Variants in MAP9 observed in about 807,000 individuals in gnomAD.
MAP9 encodes microtubule associated protein 9.
Under a neutral mutation model 75.2 loss-of-function variants are expected in MAP9, and 80 were observed. That is an observed-to-expected ratio of 1.06 (90% CI 0.89 to 1.28). The LOEUF (loss-of-function observed/expected upper bound fraction) is 1.28, where lower values mean the gene tolerates loss of function less well. Among genes scored for constraint, MAP9 ranks in the 50% most tolerant of loss-of-function variants. MAP9 has a pLI of 0.00. For missense variants in MAP9, 753 were observed against 719.9 expected (o/e 1.05, Z -0.53); for synonymous variants, 235 against 237.3 (o/e 0.99, Z 0.09).
rs6829123 is a variant in MAP9 at position 155,362,150 on chromosome 4, G to A, written c.709-9C>T. On this transcript the variant is annotated splice_polypyrimidine_tract_variant and intron_variant, in intron 5 of 13. Coordinates refer to ENST00000311277, the MANE Select transcript of MAP9 (RefSeq NM_001039580.2). The stretch of plus-strand genomic sequence containing the variant: ...CTTGTTAAGCATGAATCCTGTTTTC[G>A]CAAAAAAAAATACATTTGCCACATA... The A allele has an allele frequency of 0.56, 836,802 of 1,500,846 alleles. 237,690 individuals carry two copies. The highest frequency in any genetic ancestry group is 0.81 in the East Asian group (34,752 of 43,042). 93.0% of individuals were successfully genotyped at this position (1,500,846 alleles called of 1,614,324 possible). A position where few individuals can be genotyped will look rare whatever the true frequency, so the allele number is the denominator to read the frequency against.
intron 8 of MAP9, 32 bp downstream of exon 8, chr4:155,357,417 C>T: frequency 7.7e-7 from 1 of 1,290,710 alleles, no homozygotes; most frequent in South Asian, 1.2e-5. Context: ...GAATGCAAGC[C>T]CATAAATGAC....
intron 5 of MAP9, 31 bp downstream of exon 5, chr4:155,368,555 C>T (rs768450529): frequency 6.6e-7 from 1 of 1,512,220 alleles, no homozygotes. Flanking sequence ...AATTCAAGAA[C>T]ACAATTCAAC....
At chr4:155,357,335 A>T (rs1731839646) in intron 8 of MAP9, 114 bp downstream of exon 8, 1 of 723,250 alleles carries the variant, frequency 1.4e-6, no homozygotes, top group East Asian at 2.6e-5. Context: ...TATGAAATGG[A>T]AATAAAAAGA....
chr4:155,354,693 A>G (rs571066556), intron 10 of MAP9, among the ~76,000 whole-genome samples: 58 of 152,136 alleles, frequency 3.8e-4, no homozygotes, highest in African/African-American at 1.3e-3. Context: ...CGAACTCCAG[A>G]CCTCAAGGAA....
intron 4 of MAP9, 50 bp from the exon 5 acceptor site, chr4:155,368,862 TTATC>T (rs1306206096): frequency 2.1e-6 from 3 of 1,459,722 alleles, no homozygotes; most frequent in Non-Finnish European, 2.8e-6. Flanking sequence ...GACCATGGCT[TTATC>T]TATCTCTCTG....
intron 7 of MAP9, 101 bp from the exon 8 acceptor site, chr4:155,357,620 C>T: frequency 1.4e-6 from 1 of 702,798 alleles, no homozygotes; most frequent in Non-Finnish European, 2.5e-6. Flanking sequence ...TAAGCATCTA[C>T]TATGTGTCAA....
In MAP9 at chr4:155,368,843, T is replaced by C. The variant is rs771437382; in HGVS notation, c.482-31A>G. ...AAATAAAATGCTTAAAGTGTGTGTATAAAAAAATGACCATGGCTTTATCTA... is the reference window on the plus strand; with the variant it reads ...AAATAAAATGCTTAAAGTGTGTGTACAAAAAAATGACCATGGCTTTATCTA... On this transcript the variant is annotated intron_variant, in intron 4 of 13. Coordinates refer to ENST00000311277, the MANE Select transcript of MAP9 (RefSeq NM_001039580.2). The C allele has an allele frequency of 1.5e-5, 23 of 1,549,068 alleles. No homozygotes were observed. In the East Asian group the frequency reaches 1.8e-4, roughly 12 times the overall value.
intron 2 of MAP9, 29 bp downstream of exon 2, chr4:155,375,747 T>G: frequency 1.4e-6 from 2 of 1,450,348 alleles, no homozygotes; most frequent in South Asian, 1.1e-5. Context: ...GTTTACACTG[T>G]GAAATGATTC....
In MAP9 at chr4:155,343,902, T is replaced by C. The variant is rs961353339; in HGVS notation, c.*3881A>G. 4 of 151,926 alleles carry C rather than the reference T, an allele frequency of 2.6e-5. No homozygotes were observed. The highest frequency in any genetic ancestry group is 7.2e-5 in the African/African-American group (3 of 41,434). The allele number at this position is 151,926 out of a possible 1,614,324, so 9.4% of individuals were successfully genotyped here. ...CTTCCAGTTTAACATTTACACAGCA[T>C]TTTATTATCCTATTAGCCAGTGTAA... On this transcript the variant is annotated 3_prime_UTR_variant, in exon 14 of 14. Coordinates refer to ENST00000311277, the MANE Select transcript of MAP9 (RefSeq NM_001039580.2).
intron 5 of MAP9, among the ~76,000 whole-genome samples, chr4:155,366,427 A>G (rs1732333959): frequency 6.6e-6 from 1 of 152,152 alleles, no homozygotes; most frequent in South Asian, 2.1e-4. Context: ...AATCAATTAA[A>G]CAAACAATAG....
rs1255160765 is a variant in MAP9, at chr4:155,352,966, T to G, written c.1634A>C (p.Glu545Ala). 4 of 1,542,724 alleles carry G rather than the reference T, an allele frequency of 2.6e-6. No individual in the cohort carries two copies. Among genetic ancestry groups the G allele is most frequent in the Middle Eastern group, 1.7e-4 (1 of 5,960 alleles). The change falls in exon 12 of 14, where the codon GAG (glutamate) becomes GCG (alanine). Residue 545 changes from glutamate (E) to alanine (A), a missense_variant. Glu to Ala is a moderately radical substitution (Grantham distance 107). Coordinates refer to ENST00000311277, the MANE Select transcript of MAP9 (RefSeq NM_001039580.2). ...REYERAKKQK[E>A]EETVAEKKKD... ...CTTTTTCTCGGCAACAGTTTCCTCC[T>G]CTTTCTGTTTCTTTGCTCTTTCATA...
intron 6 of MAP9, 102 bp from the exon 7 acceptor site, chr4:155,360,517 CT>C: frequency 9.7e-7 from 1 of 1,032,128 alleles, no homozygotes; most frequent in Non-Finnish European, 1.3e-6. Context: ...TCTATAAACT[CT>C]TTTTTCTTGC....
rs1238394525 is a variant in MAP9 at position 155,343,180 on chromosome 4, ATTTG to A, written c.*4599_*4602del. 2 of 124,192 alleles carry A rather than the reference ATTTG, an allele frequency of 1.6e-5. No homozygotes were observed. The highest frequency in any genetic ancestry group is 8.0e-5 in the Admixed American group (1 of 12,542). 7.7% of individuals were successfully genotyped at this position (124,192 alleles called of 1,614,324 possible). A position where few individuals can be genotyped will look rare whatever the true frequency, so the allele number is the denominator to read the frequency against. ...TATGTTTGAAAATATGCACATTAGT[ATTTG>A]TATTTTATATATATTATGTACATCA... On this transcript the variant is annotated 3_prime_UTR_variant, in exon 14 of 14. Transcript: ENST00000311277.
chr4:155,357,650 C>G lies in MAP9; in HGVS notation c.1051-131G>C, dbSNP rs917303959. 8.0e-6 allele frequency: 5 copies of G among 623,962 alleles called. No homozygotes were observed. In the Admixed American group the frequency reaches 1.6e-4, roughly 20 times the overall value. The allele number at this position is 623,962 out of a possible 1,614,324, so 38.7% of individuals were successfully genotyped here. On this transcript the variant is annotated intron_variant, in intron 7 of 13. Coordinates refer to ENST00000311277, the MANE Select transcript of MAP9 (RefSeq NM_001039580.2). ...TGTCAAACACAGTAGAAATTGGGAG[C>G]AAATCAGTGAATAAAATGCCCTTAA... is the stretch of plus-strand genomic sequence containing the variant.
chr4:155,369,147 C>G (rs1192240967), intron 4 of MAP9, among the ~76,000 whole-genome samples: 1 of 151,818 alleles, frequency 6.6e-6, no homozygotes, highest in African/African-American at 2.4e-5. Flanking sequence ...ACGGTGAAAC[C>G]CTGTCTCTAC....
At chr4:155,362,344 T>C in intron 5 of MAP9, 1 of 426,310 alleles carries the variant, frequency 2.3e-6, no homozygotes, top group South Asian at 5.6e-5. Flanking sequence ...GTCTTGGTCA[T>C]TAAAAGGGGT....
At chr4:155,350,631 G>C (rs1194786004) in intron 13 of MAP9, among the ~76,000 whole-genome samples, 1 of 151,704 alleles carries the variant, frequency 6.6e-6, no homozygotes, top group Admixed American at 6.6e-5. Context: ...ATTAACTTAA[G>C]GAAATCATCA....
In MAP9 at chr4:155,344,859, GT is replaced by G. The variant is rs1731227855; in HGVS notation, c.*2923del. ...ACAAATGTGCTTTCTAAGGAAACTT[GT>G]TTTAAGTAATGTTTTAAAATATTCA... is the stretch of plus-strand genomic sequence containing the variant. On this transcript the variant is annotated 3_prime_UTR_variant, in exon 14 of 14. Transcript: ENST00000311277. 1 of 151,744 alleles carries G rather than the reference GT, an allele frequency of 6.6e-6. No individual in the cohort carries two copies. Among genetic ancestry groups the G allele is most frequent in the African/African-American group, 2.4e-5 (1 of 41,386 alleles). The allele number at this position is 151,744 out of a possible 1,614,324, so 9.4% of individuals were successfully genotyped here. A position where few individuals can be genotyped will look rare whatever the true frequency, so the allele number is the denominator to read the frequency against.
In MAP9 at chr4:155,355,670, T is replaced by C. The variant is rs77093955; in HGVS notation, c.1290+46A>G. On this transcript the variant is annotated intron_variant, in intron 9 of 13. Transcript: ENST00000311277. ...ATTCTTTATAAACAGTGTAGGCTTA[T>C]GAAAGTGATCATTCTTCTTCTCTTA... 5,248 of 1,456,406 alleles carry C rather than the reference T, an allele frequency of 3.6e-3. 127 individuals are homozygous for C. In the African/African-American group the frequency reaches 0.056, roughly 16 times the overall value. The allele number at this position is 1,456,406 out of a possible 1,614,324, so 90.2% of individuals were successfully genotyped here. A position where few individuals can be genotyped will look rare whatever the true frequency, so the allele number is the denominator to read the frequency against.
Sources: allele counts gnomAD v4.1 joint callset (sites outside exome capture counted in the v4.1 genomes callset), GRCh38; gene constraint gnomAD v4.1.1; transcripts MANE v1.5; gene names NCBI Gene and HGNC (gene_info 2026-07-23, HGNC 2026-07-21).